The following UNC93B1 variants were observed in gnomAD, a reference collection of about 807,000 sequenced individuals.
The protein encoded by UNC93B1 is unc-93B1 regulator of TLR signaling.
A neutral mutation model predicts 56.8 loss-of-function variants in UNC93B1; 33 were observed. The observed-to-expected ratio is 0.58, with a 90% confidence interval of 0.44 to 0.78. The LOEUF is 0.78. Among genes scored for constraint, UNC93B1 ranks in the 30% least tolerant of loss-of-function variants. The pLI is 0.00. For synonymous variants in UNC93B1, 334 were observed against 358.6 expected (o/e 0.93, Z 0.77); for missense variants, 673 against 819.5 (o/e 0.82, Z 2.18).
chr11:68,003,576 G>A lies in UNC93B1; in HGVS notation c.238+81C>T. On this transcript the variant is annotated intron_variant, in intron 2 of 10. Coordinates refer to ENST00000227471, the MANE Select transcript of UNC93B1 (RefSeq NM_030930.4). This position sits in a 1 kb window ranked among gnomAD's most constrained non-coding sequence, Gnocchi z 4.4. ...GCGGAGGGGAAGTGAGAGCGGGCGG[G>A]AGGCGGCGGCCCGCGGTTTCTGTTT... The A allele has an allele frequency of 6.8e-7, 1 of 1,466,776 alleles. No homozygotes were observed. Among genetic ancestry groups the A allele is most frequent in the African/African-American group, 1.5e-5 (1 of 68,046 alleles). 90.9% of individuals were successfully genotyped at this position (1,466,776 alleles called of 1,614,324 possible).
At chr11:67,997,135 C>T (rs1275243569) in intron 7 of UNC93B1, among the ~76,000 whole-genome samples, 1 of 151,862 alleles carries the variant, frequency 6.6e-6, no homozygotes, top group Non-Finnish European at 1.5e-5. Flanking sequence ...CAGACCTCAG[C>T]CCCGCCTTCC....
chr11:67,998,345 C>G lies in UNC93B1; in HGVS notation c.781+14G>C. ...GCTTTGTGGACTCCTCCCCAACCCC[C>G]AACAAGGACTAACCGCAGCTCTGCA... On this transcript the variant is annotated intron_variant, in intron 6 of 10. Transcript: ENST00000227471. The G allele has an allele frequency of 6.2e-7, 1 of 1,613,898 alleles. No homozygotes were observed. Among genetic ancestry groups the G allele is most frequent in the Non-Finnish European group, 8.5e-7 (1 of 1,179,812 alleles).
At chr11:67,997,336 G>C (rs541237634) in intron 7 of UNC93B1, among the ~76,000 whole-genome samples, 2 of 152,304 alleles carry the variant, frequency 1.3e-5, no homozygotes, top group East Asian at 3.9e-4. Flanking sequence ...CCTCACCCTT[G>C]GTCCTGTCCC....
At position 68,003,951 on chromosome 11, in the gene UNC93B1, G is replaced by A. The variant is rs1455082586; in HGVS notation, c.93C>T (p.Ala31=). The A allele has an allele frequency of 7.2e-7, 1 of 1,383,758 alleles. No homozygotes were observed. 85.7% of individuals were successfully genotyped at this position (1,383,758 alleles called of 1,614,324 possible). A position where few individuals can be genotyped will look rare whatever the true frequency, so the allele number is the denominator to read the frequency against. ...CGCACTCCGGGTCCCCGCTCACCGG[G>A]GCCTCGGGCCCGTCCGGGACCCCGA... is the stretch of plus-strand genomic sequence containing the variant. ...DLLGVPDGPE[A]PLDELVGAYP... The change falls in exon 1 of 11, where the codon GCC becomes GCT. Residue 31 remains alanine (A), a synonymous_variant. Transcript: ENST00000227471. This position sits in a 1 kb window ranked among gnomAD's most constrained non-coding sequence, Gnocchi z 4.4.
At chr11:67,991,958 G>A (rs1407103790) in intron 10 of UNC93B1, 101 bp from the exon 11 acceptor site, 4 of 1,280,320 alleles carry the variant, frequency 3.1e-6, no homozygotes, top group African/African-American at 1.6e-5. Flanking sequence ...TCCTCCGGGA[G>A]CCTCCCGGGC....
chr11:67,996,765 G>A lies in UNC93B1; in HGVS notation c.926C>T (p.Ala309Val). 19 of 1,560,964 alleles carry A rather than the reference G, an allele frequency of 1.2e-5. No individual in the cohort carries two copies. Among genetic ancestry groups the A allele is most frequent in the Non-Finnish European group, 1.6e-5 (19 of 1,151,814 alleles). Reference protein sequence around the residue: ...AMLLVLGLCGAAYRPTEEIDL... With the variant: ...AMLLVLGLCGVAYRPTEEIDL... ...GATCTCCTCCGTGGGCCGGTAAGCG[G>A]CTCCGCACAAACCCAGCACCTGCGA... The change falls in exon 8 of 11, where the codon GCC becomes GTC. Residue 309 changes from alanine (A) to valine (V), a missense_variant. Physicochemically the swap from Ala to Val is moderately conservative, Grantham distance 64. Transcript: ENST00000227471.
chr11:67,996,821 C>T, intron 7 of UNC93B1, 37 bp from the exon 8 acceptor site: 2 of 1,496,456 alleles, frequency 1.3e-6, no homozygotes, highest in South Asian at 2.6e-5. Flanking sequence ...GCCAGCCAGG[C>T]CCAGGCCTGG....
At chr11:68,000,800 CTGCCTGTGG>C (rs1282499049) in intron 3 of UNC93B1, among the ~76,000 whole-genome samples, 1 of 152,220 alleles carries the variant, frequency 6.6e-6, no homozygotes, top group Non-Finnish European at 1.5e-5. Flanking sequence ...CTGCCAGTTA[CTGCCTGTGG>C]GACCTGGGCA....
rs961471033 is a variant in UNC93B1 at position 68,003,404 on chromosome 11, A to T, written c.239-229T>A. Reference sequence around the variant, plus strand: ...ACCCGCCTTGCTCCGCCGGCCTCCAATTCTGACGGTGGCAGGTCTGTCCGG... The same window carrying T: ...ACCCGCCTTGCTCCGCCGGCCTCCATTTCTGACGGTGGCAGGTCTGTCCGG... On this transcript the variant is annotated intron_variant, in intron 2 of 10. Coordinates refer to ENST00000227471, the MANE Select transcript of UNC93B1 (RefSeq NM_030930.4). The surrounding 1 kb of genome is among the most constrained non-coding windows in gnomAD (Gnocchi z 4.4). 4.7e-5 allele frequency: 38 copies of T among 809,982 alleles called. No individual in the cohort carries two copies. The highest frequency in any genetic ancestry group is 4.0e-4 in the Admixed American group (12 of 29,912). 50.2% of individuals were successfully genotyped at this position (809,982 alleles called of 1,614,324 possible).
intron 9 of UNC93B1, among the ~76,000 whole-genome samples, chr11:67,995,358 A>G (rs1478867189): frequency 1.3e-5 from 2 of 151,940 alleles, no homozygotes; most frequent in Non-Finnish European, 2.9e-5. Flanking sequence ...TGTCCATGGC[A>G]TGGAACCCCC....
In UNC93B1 at chr11:67,995,849, C is replaced by A. The variant is rs980717452; in HGVS notation, c.1125G>T (p.Leu375=). The A allele has an allele frequency of 4.6e-5, 71 of 1,536,596 alleles. No homozygotes were observed. Among genetic ancestry groups the A allele is most frequent in the African/African-American group, 1.8e-4 (13 of 72,884 alleles). ...YGVCSVGLER[L]AYLLVAYSLG... ...GGCTGTAAGCCACGAGGAGGTAAGC[C>A]AGCCGCTCCAGCCCCACCGAGCACA... The change falls in exon 9 of 11, where the codon CTG becomes CTT. Residue 375 remains leucine (L), a synonymous_variant. Coordinates refer to ENST00000227471, the MANE Select transcript of UNC93B1 (RefSeq NM_030930.4).
chr11:67,996,629 C>A lies in UNC93B1; in HGVS notation c.1062G>T (p.Val354=), dbSNP rs1304588798. The change falls in exon 8 of 11, where the codon GTG becomes GTT. Residue 354 remains valine (V), a synonymous_variant. Coordinates refer to ENST00000227471, the MANE Select transcript of UNC93B1 (RefSeq NM_030930.4). ...AGGCGATACCAGTGCAGGCAAAGAG[C>A]ACCTCGAAGCCGCTGTAGATAAAGA... The part of the protein sequence containing the change: ...VPFFIYSGFE[V]LFACTGIALG... The A allele has an allele frequency of 6.4e-7, 1 of 1,550,556 alleles. No homozygotes were observed. Among genetic ancestry groups the A allele is most frequent in the Non-Finnish European group, 8.7e-7 (1 of 1,146,214 alleles).
At position 68,003,605 on chromosome 11, in the gene UNC93B1, G is replaced by T. The variant is rs535977614; in HGVS notation, c.238+52C>A. 4 of 1,483,908 alleles carry T rather than the reference G, an allele frequency of 2.7e-6. No homozygotes were observed. The highest frequency in any genetic ancestry group is 2.9e-5 in the African/African-American group (2 of 68,336). The allele number at this position is 1,483,908 out of a possible 1,614,324, so 91.9% of individuals were successfully genotyped here. A position where few individuals can be genotyped will look rare whatever the true frequency, so the allele number is the denominator to read the frequency against. ...CGGCGGCCCGCGGTTTCTGTTTCCC[G>T]GGCCGGGCTGGGAGCGGGCGGGGCG... is the stretch of plus-strand genomic sequence containing the variant. On this transcript the variant is annotated intron_variant, in intron 2 of 10. Coordinates refer to ENST00000227471, the MANE Select transcript of UNC93B1 (RefSeq NM_030930.4). This position sits in a 1 kb window ranked among gnomAD's most constrained non-coding sequence, Gnocchi z 4.4.
At position 67,999,232 on chromosome 11, in the gene UNC93B1, G is replaced by A. The variant is rs756339162; in HGVS notation, c.628C>T (p.Arg210Trp). 8.7e-6 allele frequency: 14 copies of A among 1,613,798 alleles called. No homozygotes were observed. Among genetic ancestry groups the A allele is most frequent in the African/African-American group, 2.7e-5 (2 of 74,936 alleles). ...DGQGMKQRPPRGSHAPYLLVF... is the reference protein window; with the variant it reads ...DGQGMKQRPPWGSHAPYLLVF... Reference sequence around the variant, plus strand: ...AGGAGATAGGGCGCGTGGGAGCCCCGCGGAGGCCGCTGCTTCATCCCCTGC... The same window carrying A: ...AGGAGATAGGGCGCGTGGGAGCCCCACGGAGGCCGCTGCTTCATCCCCTGC... Residue 210 changes from arginine to tryptophan, a missense_variant, in exon 5 of 11, where the codon CGG (arginine) becomes TGG (tryptophan). By Grantham distance (101) the Arg-to-Trp change is moderately radical. This residue lies in a region of UNC93B1 where 438 missense variants were observed against 465.9 expected (regional missense o/e 0.94). Coordinates refer to ENST00000227471, the MANE Select transcript of UNC93B1 (RefSeq NM_030930.4).
chr11:67,997,830 G>A (rs1413675833), intron 6 of UNC93B1, 31 bp from the exon 7 acceptor site: 1 of 1,596,024 alleles, frequency 6.3e-7, no homozygotes, highest in Admixed American at 1.7e-5. Flanking sequence ...GGCACCGTGA[G>A]CAGAGAGTAG....
intron 6 of UNC93B1, 145 bp downstream of exon 6, chr11:67,998,214 T>C (rs962975155): frequency 1.1e-6 from 1 of 909,308 alleles, no homozygotes; most frequent in Non-Finnish European, 1.7e-6. Context: ...CCTAACTACT[T>C]ACTCCTACAG....
chr11:67,995,896 C>T lies in UNC93B1; in HGVS notation c.1090-12G>A, dbSNP rs1856936913. On this transcript the variant is annotated splice_polypyrimidine_tract_variant and intron_variant, in intron 8 of 10. Transcript: ENST00000227471. ...CACACGCCATAGCCCTGCGGGGGGA[C>T]AAGGGGTGAGTGTTGAAGTCTGGAA... 1 of 1,486,012 alleles carries T rather than the reference C, an allele frequency of 6.7e-7. No individual in the cohort carries two copies. The highest frequency in any genetic ancestry group is 8.9e-7 in the Non-Finnish European group (1 of 1,120,146). The allele number at this position is 1,486,012 out of a possible 1,614,324, so 92.1% of individuals were successfully genotyped here.
In UNC93B1 at chr11:67,998,505, G is replaced by A. The variant is rs369543173; in HGVS notation, c.688-53C>T. 36 of 1,581,382 alleles carry A rather than the reference G, an allele frequency of 2.3e-5. No individual in the cohort carries two copies. The African/African-American group carries it at 4.4e-4, about 19-fold the overall frequency. The stretch of plus-strand genomic sequence containing the variant: ...GACTCAGGCACAGAGCCAGGCAAGG[G>A]ACACAGGCATGGTCTGGGGAGGGGT... On this transcript the variant is annotated intron_variant, in intron 5 of 10. Transcript: ENST00000227471.
In UNC93B1 at chr11:68,003,996, C is replaced by G; in HGVS notation, c.48G>C (p.Pro16=). ...PLYPMAGAAG[P]QGDEDLLGVP... ...CCCCGAGCAGGTCCTCGTCGCCCTG[C>G]GGCCCCGCAGCCCCCGCCATCGGGT... Residue 16 remains proline, a synonymous_variant, in exon 1 of 11, where the codon CCG becomes CCC. Transcript: ENST00000227471. This position sits in a 1 kb window ranked among gnomAD's most constrained non-coding sequence, Gnocchi z 4.4. 2 of 1,401,282 alleles carry G rather than the reference C, an allele frequency of 1.4e-6. No individual in the cohort carries two copies. Among genetic ancestry groups the G allele is most frequent in the Non-Finnish European group, 1.9e-6 (2 of 1,074,666 alleles). The allele number at this position is 1,401,282 out of a possible 1,614,324, so 86.8% of individuals were successfully genotyped here. A position where few individuals can be genotyped will look rare whatever the true frequency, so the allele number is the denominator to read the frequency against.
Sources: gnomAD v4.1 joint callset for allele counts (sites outside exome capture counted in the v4.1 genomes callset) on GRCh38, gnomAD v4.1.1 for gene constraint, gnomAD v4.1.1 regional missense constraint, Gnocchi (gnomAD v3.1) non-coding constraint, MANE v1.5 for transcripts, NCBI Gene and HGNC (gene_info 2026-07-23, HGNC 2026-07-21) for gene names.